GLYATL1: variants seen among roughly 807,000 people sequenced by gnomAD.
GLYATL1 encodes the protein glycine N-acyltransferase-like protein 1.
In GLYATL1, 15 loss-of-function variants were observed where a neutral mutation model predicts 20.0. The observed-to-expected ratio is 0.75, with a 90% CI of 0.50 to 1.15. The LOEUF (loss-of-function observed/expected upper bound fraction) is 1.15, where lower values mean the gene tolerates loss of function less well. Among genes scored for constraint, GLYATL1 ranks in the 50% most tolerant of loss-of-function variants. The pLI is 0.00. For missense variants in GLYATL1, 380 were observed against 368.5 expected, an observed-to-expected ratio of 1.03 and a Z score of -0.26; for synonymous variants, 151 against 131.5, an observed-to-expected ratio of 1.15 and a Z score of -1.01.
At chr11:58,911,307 T>C (rs1855036717), downstream of GLYATL1, among the ~76,000 whole-genome samples, 1 of 152,238 alleles carries the variant, frequency 6.6e-6, no homozygotes, top group Non-Finnish European at 1.5e-5. Context: ...GGTTTTTGTA[T>C]GAAGGTTAAT....
At chr11:58,922,347 G>GCTA (rs1855329215) in intron 1 of GLYATL1, among the ~76,000 whole-genome samples, 1 of 152,216 alleles carries the variant, frequency 6.6e-6, no homozygotes, top group Non-Finnish European at 1.5e-5. Context: ...GGAGTATGAT[G>GCTA]CTACCAGTTT....
At chr11:58,942,718 T>A (rs890077015) in intron 1 of GLYATL1, 1 of 151,892 alleles carries the variant, frequency 6.6e-6, no homozygotes, top group South Asian at 2.1e-4. Flanking sequence ...TTGGAAAAAA[T>A]TTGAGTAGTA....
At chr11:58,913,690 T>C (rs1855104065) in intron 1 of GLYATL1, among the ~76,000 whole-genome samples, 2 of 152,160 alleles carry the variant, frequency 1.3e-5, no homozygotes, top group African/African-American at 4.8e-5. Flanking sequence ...TCTGTTTTGA[T>C]ATGGGCAGAA....
intron 1 of GLYATL1, among the ~76,000 whole-genome samples, chr11:58,914,490 TATC>T (rs1363564923): frequency 4.6e-5 from 7 of 152,184 alleles, no homozygotes; most frequent in Non-Finnish European, 8.8e-5. Context: ...GGTAAGCTAA[TATC>T]ATTACATGGG....
At chr11:58,945,863 G>A (rs1484989719) in intron 2 of GLYATL1, among the ~76,000 whole-genome samples, 1 of 152,162 alleles carries the variant, frequency 6.6e-6, no homozygotes, top group Non-Finnish European at 1.5e-5. Context: ...CTTGCAAAAG[G>A]ATGCCTTTGT....
At chr11:58,930,108 ATTT>A in intron 1 of GLYATL1, among the ~76,000 whole-genome samples, 2 of 151,702 alleles carry the variant, frequency 1.3e-5, no homozygotes, top group South Asian at 4.1e-4. Flanking sequence ...TTAAAAAAAA[ATTT>A]TTTTCCAAAG....
intron 1 of GLYATL1, 66 bp from the exon 2 acceptor site, chr11:58,943,477 A>G: frequency 6.5e-7 from 1 of 1,539,536 alleles, no homozygotes; most frequent in South Asian, 1.2e-5. Flanking sequence ...TGCCGGATTC[A>G]CAAATTGTTT....
chr11:58,919,605 G>C (rs984084347), intron 1 of GLYATL1, among the ~76,000 whole-genome samples: 5 of 152,008 alleles, frequency 3.3e-5, no homozygotes, highest in Admixed American at 3.3e-4. Flanking sequence ...TCTCTGTCTG[G>C]GTGGGGAAAG....
chr11:58,923,313 CTT>C (rs1003616877), upstream of GLYATL1, among the ~76,000 whole-genome samples: 5 of 152,282 alleles, frequency 3.3e-5, no homozygotes, highest in East Asian at 9.7e-4. Context: ...CTTTGAATGA[CTT>C]TGGGTAAAGT....
chr11:58,908,195 CT>C (rs1216037134), exon 2 of GLYATL1: 1 of 152,224 alleles, frequency 6.6e-6, no homozygotes, highest in Non-Finnish European at 1.5e-5. Context: ...CTCAGGGAAA[CT>C]GCCAGGTTCT....
exon 1 of GLYATL1, chr11:58,927,739 A>G (rs1008411360): frequency 1.3e-5 from 2 of 152,142 alleles, no homozygotes; most frequent in African/African-American, 4.8e-5. Context: ...GCAGGCTAAG[A>G]GATCTTCTTT....
upstream of GLYATL1, among the ~76,000 whole-genome samples, chr11:58,924,629 A>T (rs1855383988): frequency 6.6e-6 from 1 of 152,230 alleles, no homozygotes; most frequent in Non-Finnish European, 1.5e-5. Context: ...GTACAGCCAT[A>T]GGATTGTCAG....
intron 2 of GLYATL1, 137 bp from the exon 3 acceptor site, chr11:58,946,909 T>G: frequency 8.4e-6 from 6 of 711,178 alleles, no homozygotes; most frequent in Non-Finnish European, 1.5e-5. Context: ...TTAGTCCCTC[T>G]GAGATTTGGT....
At chr11:58,922,726 T>C (rs1855338025), upstream of GLYATL1, among the ~76,000 whole-genome samples, 1 of 152,226 alleles carries the variant, frequency 6.6e-6, no homozygotes, top group South Asian at 2.1e-4. Context: ...TGATTTTTCT[T>C]TCACTTTGGG....
intron 1 of GLYATL1, among the ~76,000 whole-genome samples, chr11:58,930,683 CT>C (rs1294981534): frequency 2.6e-5 from 4 of 152,094 alleles, no homozygotes; most frequent in Admixed American, 2.0e-4. Flanking sequence ...ATTTGTTAAC[CT>C]TTTATGGAGA....
intron 4 of GLYATL1, among the ~76,000 whole-genome samples, chr11:58,953,560 T>C (rs548528145): frequency 6.6e-6 from 1 of 152,228 alleles, no homozygotes; most frequent in Admixed American, 6.5e-5. Flanking sequence ...TTTCATTATT[T>C]ATAGCTTTCA....
chr11:58,929,597 A>C (rs1307900187), intron 1 of GLYATL1, among the ~76,000 whole-genome samples: 1 of 152,040 alleles, frequency 6.6e-6, no homozygotes, highest in Non-Finnish European at 1.5e-5. Context: ...CCCCCAAATT[A>C]TGATGTTTTT....
chr11:58,909,544 A>C (rs190865661), downstream of GLYATL1, among the ~76,000 whole-genome samples: 34 of 152,332 alleles, frequency 2.2e-4, no homozygotes, highest in Admixed American at 1.9e-3. Context: ...GTATGTCTAA[A>C]ACTAATTTAT....
chr11:58,931,979 G>T (rs907908731), intron 1 of GLYATL1, among the ~76,000 whole-genome samples: 2 of 151,710 alleles, frequency 1.3e-5, no homozygotes, highest in African/African-American at 4.8e-5. Flanking sequence ...AGGCGTGGTG[G>T]CATGCACCTG....
Sources: allele counts gnomAD v4.1 joint callset (sites outside exome capture counted in the v4.1 genomes callset), GRCh38; gene constraint gnomAD v4.1.1; transcripts MANE v1.5; gene names NCBI Gene and HGNC (gene_info 2026-07-23, HGNC 2026-07-21).